GUCY1A2: variants seen among roughly 807,000 people sequenced by gnomAD.
GUCY1A2 encodes guanylate cyclase soluble subunit alpha-2.
In GUCY1A2, 27 loss-of-function variants were observed where a neutral mutation model predicts 63.5. The observed-to-expected ratio is 0.43, with a 90% CI of 0.31 to 0.59. The LOEUF (loss-of-function observed/expected upper bound fraction) is 0.59, where lower values mean the gene tolerates loss of function less well. Ranked by LOEUF, GUCY1A2 falls within the 20% of genes least tolerant of loss-of-function variation. The pLI, the probability that GUCY1A2 is intolerant of heterozygous loss-of-function variation, is 0.11. For missense variants in GUCY1A2, 768 were observed against 913.3 expected (o/e 0.84, Z 2.05); for synonymous variants, 364 against 343.5 (o/e 1.06, Z -0.66).
intron 5 of GUCY1A2, among the ~76,000 whole-genome samples, chr11:106,786,442 A>G (rs540564545): frequency 1.3e-5 from 2 of 152,268 alleles, no homozygotes; most frequent in Admixed American, 1.3e-4. Flanking sequence ...AATGAAGGAA[A>G]ATGGATTCCA....
At chr11:106,805,248 A>ATTTTT (rs11424210) in intron 5 of GUCY1A2, among the ~76,000 whole-genome samples, 117 of 143,118 alleles carry the variant, frequency 8.2e-4, no homozygotes, top group African/African-American at 2.9e-3. Flanking sequence ...TATCACTAAC[A>ATTTTT]TTTTTTTTTT....
At chr11:106,988,371 C>T (rs1314755313) in intron 1 of GUCY1A2, among the ~76,000 whole-genome samples, 2 of 152,300 alleles carry the variant, frequency 1.3e-5, no homozygotes, top group Middle Eastern at 3.4e-3. Flanking sequence ...AGGGATGATC[C>T]TTCCAATAAC....
At chr11:106,837,767 C>T (rs1859137045) in intron 4 of GUCY1A2, among the ~76,000 whole-genome samples, 1 of 151,946 alleles carries the variant, frequency 6.6e-6, no homozygotes, top group African/African-American at 2.4e-5. Flanking sequence ...AAAATTAGTA[C>T]ATAAAAATTT....
intron 5 of GUCY1A2, among the ~76,000 whole-genome samples, chr11:106,790,473 T>G (rs371389714): frequency 5.9e-5 from 9 of 152,326 alleles, no homozygotes; most frequent in African/African-American, 2.2e-4. Flanking sequence ...GGCCTACTTA[T>G]TGCTCTACCT....
Position 106,708,531 on chromosome 11 carries a change from C to T in GUCY1A2, c.1972G>A (p.Val658Ile), listed in dbSNP as rs1565264087. ...ACTTACTGGTAAGTGGTTGGGCTGA[C>T]ATTGATGCGCCGAGGGTGACTTCCC... is the stretch of plus-strand genomic sequence containing the variant. ...ESGSHPRRINVSPTTYQLLKR... is the reference protein window; with the variant it reads ...ESGSHPRRINISPTTYQLLKR... The change falls in exon 7 of 8, where the codon GTC (valine) becomes ATC (isoleucine). Residue 658 changes from valine to isoleucine, a missense_variant. Transcript: ENST00000526355. 1.2e-6 allele frequency: 2 copies of T among 1,612,192 alleles called. No individual in the cohort carries two copies. The highest frequency in any genetic ancestry group is 1.7e-6 in the Non-Finnish European group (2 of 1,178,984).
chr11:106,865,967 A>G (rs1042423927), intron 4 of GUCY1A2, among the ~76,000 whole-genome samples: 22 of 151,922 alleles, frequency 1.4e-4, no homozygotes, highest in African/African-American at 5.3e-4. Context: ...GAAAATAAAC[A>G]TTGTCTTTCT....
At chr11:106,808,687 G>C in intron 5 of GUCY1A2, among the ~76,000 whole-genome samples, 1 of 152,048 alleles carries the variant, frequency 6.6e-6, no homozygotes, top group East Asian at 1.9e-4. Flanking sequence ...AGCAAACACT[G>C]CAAATCAGTA....
Position 106,875,035 on chromosome 11 carries a change from G to GT in GUCY1A2, c.1206+64424dup, listed in dbSNP as rs575989772. ...TAATAGATAAATTGAAGACAGTCTT[G>GT]TGTTCATTCCTCTAATTCCATAAAT... On this transcript the variant is annotated intron_variant, in intron 4 of 7. Coordinates refer to ENST00000526355, the MANE Select transcript of GUCY1A2 (RefSeq NM_000855.3). Among the ~76,000 whole-genome samples the GT allele has an allele frequency of 4.0e-3, 605 of 152,286 alleles. 2 individuals carry two copies. Among genetic ancestry groups the GT allele is most frequent in the Non-Finnish European group, 7.1e-3 (484 of 68,034 alleles).
At chr11:106,944,748 G>A (rs1284098504) in intron 3 of GUCY1A2, among the ~76,000 whole-genome samples, 1 of 152,142 alleles carries the variant, frequency 6.6e-6, no homozygotes, top group Non-Finnish European at 1.5e-5. Flanking sequence ...CCCCATGTGA[G>A]TACTCTGAAA....
intron 4 of GUCY1A2, among the ~76,000 whole-genome samples, chr11:106,872,475 T>C (rs1308168740): frequency 1.3e-5 from 2 of 152,164 alleles, no homozygotes; most frequent in African/African-American, 2.4e-5. Flanking sequence ...ATAGTTTGAA[T>C]GACTGGAACT....
intron 6 of GUCY1A2, among the ~76,000 whole-genome samples, chr11:106,726,219 A>G (rs1334922471): frequency 6.6e-6 from 1 of 152,134 alleles, no homozygotes; most frequent in African/African-American, 2.4e-5. Flanking sequence ...GTTTGAGACC[A>G]GCCTGACCGA....
chr11:106,746,709 A>AT (rs1200710108), intron 6 of GUCY1A2: 1 of 847,232 alleles, frequency 1.2e-6, no homozygotes, highest in South Asian at 1.5e-5. Flanking sequence ...GTACTGTGAC[A>AT]TTTTTTATTT....
rs1862426930 is a variant in GUCY1A2 at position 106,681,218 on chromosome 11, T to C, written c.*6331A>G. On this transcript the variant is annotated 3_prime_UTR_variant, in exon 8 of 8. Transcript: ENST00000526355. ...ATATTCTGAAGTCAAAATACTATCA[T>C]ACTTACCAAAAACTTGTGTAGCTAT... 4.6e-6 allele frequency: 1 copy of C among 219,220 alleles called. No homozygotes were observed. Among genetic ancestry groups the C allele is most frequent in the Non-Finnish European group, 9.2e-6 (1 of 109,110 alleles). The allele number at this position is 219,220 out of a possible 1,614,324, so 13.6% of individuals were successfully genotyped here.
At chr11:106,737,135 A>G (rs1002927239) in intron 6 of GUCY1A2, among the ~76,000 whole-genome samples, 1 of 152,188 alleles carries the variant, frequency 6.6e-6, no homozygotes, top group Non-Finnish European at 1.5e-5. Context: ...TTTGATTTTT[A>G]AAACAAGTAC....
intron 3 of GUCY1A2, among the ~76,000 whole-genome samples, chr11:106,971,777 T>C (rs1003319863): frequency 2.6e-5 from 4 of 152,144 alleles, no homozygotes; most frequent in Non-Finnish European, 4.4e-5. Context: ...CCAATAGCAA[T>C]GAGTACAACC....
chr11:106,781,882 GTTTA>G (rs1864471219), intron 5 of GUCY1A2, among the ~76,000 whole-genome samples: 1 of 151,960 alleles, frequency 6.6e-6, no homozygotes, highest in South Asian at 2.1e-4. Flanking sequence ...TACCTTGTTT[GTTTA>G]TTTTAGTTTT....
chr11:106,920,295 T>A (rs1860425593), intron 4 of GUCY1A2, among the ~76,000 whole-genome samples: 1 of 152,142 alleles, frequency 6.6e-6, no homozygotes, highest in Admixed American at 6.6e-5. Flanking sequence ...TGGGAATATT[T>A]TAACTGTTAC....
intron 3 of GUCY1A2, among the ~76,000 whole-genome samples, chr11:106,943,875 C>G (rs926155004): frequency 2.6e-5 from 4 of 151,940 alleles, no homozygotes; most frequent in African/African-American, 7.3e-5. Flanking sequence ...ATCTGCCTCT[C>G]CTCAGAGAGA....
At chr11:106,926,422 A>G (rs1184486672) in intron 4 of GUCY1A2, among the ~76,000 whole-genome samples, 1 of 149,554 alleles carries the variant, frequency 6.7e-6, no homozygotes. Context: ...TGGGTGACAG[A>G]GTGAGACTCT....
Sources: gnomAD v4.1 joint callset for allele counts (sites outside exome capture counted in the v4.1 genomes callset) on GRCh38, gnomAD v4.1.1 for gene constraint, MANE v1.5 for transcripts, NCBI Gene and HGNC (gene_info 2026-07-23, HGNC 2026-07-21) for gene names.